Variants in TBL1Y observed in about 807,000 individuals in gnomAD.
The protein encoded by TBL1Y is F-box-like/WD repeat-containing protein TBL1Y.
A neutral mutation model predicts 12.0 loss-of-function variants in TBL1Y; 15 were observed. The ratio of observed to expected loss-of-function variants is 1.25; its 90% CI spans 0.83 to 1.92. The LOEUF is 1.92. TBL1Y is among the 40% of genes most tolerant of loss of function. The pLI is 0.00. For missense variants in TBL1Y, 148 were observed against 116.7 expected, an observed-to-expected ratio of 1.27 and a Z score of -1.24; for synonymous variants, 53 against 42.6, an observed-to-expected ratio of 1.24 and a Z score of -0.95.
intron 2 of TBL1Y, among the ~76,000 whole-genome samples, chrY:6,922,250 A>T: frequency 2.9e-5 from 1 of 34,137 alleles, no homozygotes; most frequent in Non-Finnish European, 7.3e-5. Flanking sequence ...AGCAAGATCT[A>T]CTGCAAAGAG....
At chrY:7,049,091 T>C (rs2012779805) in intron 7 of TBL1Y, among the ~76,000 whole-genome samples, 1 of 32,946 alleles carries the variant, frequency 3.0e-5, no homozygotes, top group East Asian at 8.2e-4. Context: ...CCAAGTGTTC[T>C]CATTGTTCAG....
At chrY:7,008,034 T>C (rs747828211) in intron 4 of TBL1Y, among the ~76,000 whole-genome samples, 1 of 33,303 alleles carries the variant, frequency 3.0e-5, no homozygotes, top group South Asian at 7.0e-4. Context: ...TCCAAGATCA[T>C]GCTGCTTCTC....
chrY:7,024,659 GATGGCAAAATTTTTTTCCCATATAT>G (rs2012612531), intron 5 of TBL1Y, among the ~76,000 whole-genome samples: 221 of 32,366 alleles, frequency 6.8e-3, no homozygotes, highest in African/African-American at 0.026. Context: ...CAGATGGATA[GATGGCAAAATTTTTTTCCCATATAT>G]ATGGCAAAAT....
intron 3 of TBL1Y, among the ~76,000 whole-genome samples, chrY:6,984,791 G>T (rs759922008): frequency 5.9e-5 from 2 of 34,051 alleles, no homozygotes. Flanking sequence ...CACATATTTT[G>T]CTGCTGTTGT....
At chrY:7,061,543 CTT>C (rs1213081839) in intron 7 of TBL1Y, among the ~76,000 whole-genome samples, 3 of 32,272 alleles carry the variant, frequency 9.3e-5, no homozygotes, top group African/African-American at 3.7e-4. Flanking sequence ...CTTCCTCTCT[CTT>C]TCTCTCTCTC....
intron 7 of TBL1Y, among the ~76,000 whole-genome samples, chrY:7,056,161 C>T (rs2012823327): frequency 3.0e-5 from 1 of 33,632 alleles, no homozygotes; most frequent in African/African-American, 1.2e-4. Flanking sequence ...AAACAAAAAA[C>T]GTGAATCAGA....
chrY:7,042,792 C>G, intron 6 of TBL1Y, 188 bp from the exon 7 acceptor site: 1 of 174,500 alleles, frequency 5.7e-6, no homozygotes, highest in South Asian at 2.0e-4. Context: ...GAAACCTCTC[C>G]CTCTCCCCTT....
chrY:6,936,657 G>A, intron 2 of TBL1Y, among the ~76,000 whole-genome samples: 3 of 33,255 alleles, frequency 9.0e-5, no homozygotes, highest in South Asian at 1.4e-3. Flanking sequence ...ACCCTTTTTC[G>A]CAAAAGCATT....
At chrY:7,080,914 C>A in intron 14 of TBL1Y, 61 bp downstream of exon 14, 1 of 384,705 alleles carries the variant, frequency 2.6e-6, no homozygotes, top group Non-Finnish European at 3.7e-6. Flanking sequence ...GGAGCCAATT[C>A]TTGTATGCCT....
At chrY:7,090,300 G>T in intron 18 of TBL1Y, 110 bp downstream of exon 18, 3 of 185,395 alleles carry the variant, frequency 1.6e-5, no homozygotes, top group Non-Finnish European at 2.9e-5. Flanking sequence ...CTAAGTGAGG[G>T]GCATGTGTGT....
At chrY:6,958,234 T>C in intron 2 of TBL1Y, among the ~76,000 whole-genome samples, 1 of 33,841 alleles carries the variant, frequency 3.0e-5, no homozygotes, top group Non-Finnish European at 7.3e-5. Context: ...CCATGAATCA[T>C]GGGCAGGTGC....
intron 4 of TBL1Y, among the ~76,000 whole-genome samples, chrY:7,018,011 CAT>C (rs2012562271): frequency 3.0e-5 from 1 of 33,422 alleles, no homozygotes; most frequent in East Asian, 7.9e-4. Flanking sequence ...AATTAGAAAA[CAT>C]AGGAAAACAG....
At chrY:7,044,525 C>T in intron 7 of TBL1Y, among the ~76,000 whole-genome samples, 1 of 34,045 alleles carries the variant, frequency 2.9e-5, no homozygotes, top group Non-Finnish European at 7.3e-5. Context: ...ACCGGTCTCA[C>T]CCTTAAAAAC....
intron 7 of TBL1Y, among the ~76,000 whole-genome samples, chrY:7,059,486 A>C (rs200058791): frequency 6.2e-5 from 2 of 32,295 alleles, no homozygotes; most frequent in African/African-American, 2.4e-4. Context: ...AGGAGTCTCC[A>C]TGGTTAGCAG....
chrY:7,013,080 C>T (rs1051539262), intron 4 of TBL1Y, among the ~76,000 whole-genome samples: 13 of 34,261 alleles, frequency 3.8e-4, no homozygotes, highest in Admixed American at 1.6e-3. Flanking sequence ...GATATGGAGT[C>T]CTCACTGGAG....
chrY:6,975,906 TGTGTGTGTGTGTGTGTGTGTGTGA>T (rs2012236541), intron 2 of TBL1Y, among the ~76,000 whole-genome samples: 1 of 30,835 alleles, frequency 3.2e-5, no homozygotes, highest in Non-Finnish European at 7.8e-5. Flanking sequence ...ATACTTCGTG[TGTGTGTGTGTGTGTGTGTGTGTGA>T]GTGTGTGTGT....
At chrY:7,003,288 A>T (rs2012463594) in intron 4 of TBL1Y, among the ~76,000 whole-genome samples, 1 of 33,806 alleles carries the variant, frequency 3.0e-5, no homozygotes, top group South Asian at 6.8e-4. Context: ...CAGATTCAGG[A>T]CATCCTTCAG....
At chrY:6,982,034 G>A (rs2012285963) in intron 3 of TBL1Y, among the ~76,000 whole-genome samples, 2 of 33,621 alleles carry the variant, frequency 5.9e-5, no homozygotes, top group African/African-American at 2.3e-4. Context: ...TTGAAAATGG[G>A]AAGGTCAGTA....
At chrY:7,021,161 A>G in intron 4 of TBL1Y, among the ~76,000 whole-genome samples, 1 of 33,820 alleles carries the variant, frequency 3.0e-5, no homozygotes, top group Non-Finnish European at 7.3e-5. Context: ...TTTATATAAT[A>G]GCAGTAGCAA....
Sources: gnomAD v4.1 joint callset for allele counts (sites outside exome capture counted in the v4.1 genomes callset) on GRCh38, gnomAD v4.1.1 for gene constraint, MANE v1.5 for transcripts, NCBI Gene and HGNC (gene_info 2026-07-23, HGNC 2026-07-21) for gene names.